Variants in TMC7 observed in about 807,000 individuals in gnomAD.
TMC7 encodes transmembrane channel like 7, also known as transmembrane channel-like protein 7.
Under a neutral mutation model 82.9 loss-of-function variants are expected in TMC7, and 54 were observed. That is an observed-to-expected ratio of 0.65 (90% CI 0.52 to 0.82). The LOEUF is 0.82. Ranked by LOEUF, TMC7 falls within the 40% of genes least tolerant of loss-of-function variation. The pLI, the probability that TMC7 is intolerant of heterozygous loss-of-function variation, is 0.00. For missense variants in TMC7, 820 were observed against 901.2 expected, an observed-to-expected ratio of 0.91 and a Z score of 1.15; for synonymous variants, 350 against 337.9, an observed-to-expected ratio of 1.04 and a Z score of -0.39.
At chr16:19,056,831 A>C in intron 14 of TMC7, 134 bp downstream of exon 14, 7 of 1,055,514 alleles carry the variant, frequency 6.6e-6, no homozygotes, top group Non-Finnish European at 6.8e-6. Context: ...CATCTCTAAA[A>C]TGGGCATAAT....
chr16:19,000,143 G>A (rs1420404586), intron 1 of TMC7, among the ~76,000 whole-genome samples: 1 of 151,740 alleles, frequency 6.6e-6, no homozygotes, highest in African/African-American at 2.4e-5. Context: ...AGATTATCTG[G>A]ACACCCTCCC....
Position 19,047,113 on chromosome 16 carries a change from A to G in TMC7, c.1604A>G (p.Gln535Arg), listed in dbSNP as rs1454525919. Residue 535 changes from glutamine to arginine, a missense_variant, in exon 12 of 16, where the codon CAG (glutamine) becomes CGG (arginine). Physicochemically the swap from Gln to Arg is conservative, Grantham distance 43 (BLOSUM62 1). Coordinates refer to ENST00000304381, the MANE Select transcript of TMC7 (RefSeq NM_024847.4). ...TGCAAGCTGATTCAGTGCTGGGGGCAGCAGGAGTTTGCCATTCCTGATAAC... is the reference window on the plus strand; with the variant it reads ...TGCAAGCTGATTCAGTGCTGGGGGCGGCAGGAGTTTGCCATTCCTGATAAC... ...SSCKLIQCWG[Q>R]QEFAIPDNVL... is the part of the protein sequence containing the mutation. 3 of 1,614,024 alleles carry G rather than the reference A, an allele frequency of 1.9e-6. No homozygotes were observed. Among genetic ancestry groups the G allele is most frequent in the Non-Finnish European group, 1.7e-6 (2 of 1,179,992 alleles).
At chr16:18,988,602 T>C (rs2038895711) in intron 1 of TMC7, among the ~76,000 whole-genome samples, 1 of 152,158 alleles carries the variant, frequency 6.6e-6, no homozygotes, top group African/African-American at 2.4e-5. Context: ...AATTTTTGTA[T>C]ATTTTGTAGA....
At chr16:19,037,794 G>A in intron 7 of TMC7, 80 bp from the exon 8 acceptor site, 1 of 1,442,338 alleles carries the variant, frequency 6.9e-7, no homozygotes, top group Non-Finnish European at 9.5e-7. Flanking sequence ...AGATGGATGG[G>A]GAGAGAATGA....
At chr16:19,006,179 T>G (rs1054569258) in intron 1 of TMC7, among the ~76,000 whole-genome samples, 29 of 151,804 alleles carry the variant, frequency 1.9e-4, no homozygotes, top group Non-Finnish European at 3.7e-4. Context: ...ACCCCAGCCT[T>G]GCCCTTGCAG....
intron 1 of TMC7, among the ~76,000 whole-genome samples, chr16:19,005,240 C>T (rs2039218438): frequency 6.6e-6 from 1 of 152,102 alleles, no homozygotes; most frequent in South Asian, 2.1e-4. Flanking sequence ...CAGGCACCCG[C>T]CACCATGCCC....
At chr16:19,036,067 C>T (rs1299080262) in intron 7 of TMC7, among the ~76,000 whole-genome samples, 1 of 152,022 alleles carries the variant, frequency 6.6e-6, no homozygotes, top group Non-Finnish European at 1.5e-5. Context: ...GATGCAGTGG[C>T]TGGAAGAAGG....
chr16:19,030,578 CTTT>C (rs572433772), intron 6 of TMC7, among the ~76,000 whole-genome samples: 6 of 135,370 alleles, frequency 4.4e-5, no homozygotes, highest in African/African-American at 5.4e-5. Flanking sequence ...TGAGGTTCTT[CTTT>C]TTTTTTTTTT....
chr16:18,997,496 A>G (rs1014149218), intron 1 of TMC7, among the ~76,000 whole-genome samples: 3 of 151,760 alleles, frequency 2.0e-5, no homozygotes, highest in South Asian at 2.1e-4. Flanking sequence ...TAGCCCCCCA[A>G]GTAGCTGGGA....
chr16:19,021,986 C>A (rs1960001296), intron 4 of TMC7, among the ~76,000 whole-genome samples, 190 bp downstream of exon 4: 1 of 152,118 alleles, frequency 6.6e-6, no homozygotes, highest in Admixed American at 6.6e-5. Context: ...AGCATGCAGG[C>A]ACGACAGCAT....
intron 8 of TMC7, 96 bp downstream of exon 8, chr16:19,038,143 A>G (rs1170459259): frequency 1.6e-6 from 2 of 1,272,832 alleles, no homozygotes; most frequent in Non-Finnish European, 2.2e-6. Flanking sequence ...ATATGGAGAT[A>G]CAAGTTTGGC....
rs1448386361 is a variant in TMC7 at position 19,063,598 on chromosome 16, A to G, written c.*1755A>G. ...GAAAAAAAAAGTTGTAATTGTAAACATTTCTGCCCAGTGCCTTTATATTTA... is the reference window on the plus strand; with the variant it reads ...GAAAAAAAAAGTTGTAATTGTAAACGTTTCTGCCCAGTGCCTTTATATTTA... On this transcript the variant is annotated 3_prime_UTR_variant, in exon 16 of 16. Transcript: ENST00000304381. The G allele has an allele frequency of 1.3e-5, 2 of 151,950 alleles. No homozygotes were observed. Among genetic ancestry groups the G allele is most frequent in the Admixed American group, 1.3e-4 (2 of 15,214 alleles). The allele number at this position is 151,950 out of a possible 1,614,324, so 9.4% of individuals were successfully genotyped here. A position where few individuals can be genotyped will look rare whatever the true frequency, so the allele number is the denominator to read the frequency against.
At chr16:19,026,432 A>C (rs1221858584) in intron 5 of TMC7, among the ~76,000 whole-genome samples, 2 of 151,326 alleles carry the variant, frequency 1.3e-5, no homozygotes, top group African/African-American at 4.9e-5. Flanking sequence ...AGCCGAGATC[A>C]TGCCACTGCA....
At chr16:19,021,268 T>G (rs181250169) in intron 3 of TMC7, among the ~76,000 whole-genome samples, 76 of 152,296 alleles carry the variant, frequency 5.0e-4, no homozygotes, top group Admixed American at 2.4e-3. Context: ...TGTAGACCCA[T>G]GGAACAGGAT....
rs374105814 is a variant in TMC7 at position 19,023,210 on chromosome 16, T to C, written c.711+15T>C. 1,071 of 1,528,630 alleles carry C rather than the reference T, an allele frequency of 7.0e-4. 2 individuals are homozygous for C. Among genetic ancestry groups the C allele is most frequent in the Non-Finnish European group, 9.1e-4 (1,015 of 1,110,794 alleles). The allele number at this position is 1,528,630 out of a possible 1,614,324, so 94.7% of individuals were successfully genotyped here. A position where few individuals can be genotyped will look rare whatever the true frequency, so the allele number is the denominator to read the frequency against. ...TTTCTGGCACTGTAAGTATTTAACA[T>C]AATCCTTTGTTTAGCTCCTCAATCT... On this transcript the variant is annotated intron_variant, in intron 5 of 15. Transcript: ENST00000304381.
At chr16:18,984,318 C>T (rs2038804856) in intron 1 of TMC7, 188 bp downstream of exon 1, 2 of 1,310,226 alleles carry the variant, frequency 1.5e-6, no homozygotes, top group Admixed American at 8.4e-5. Flanking sequence ...ACAAACGCGT[C>T]CTCATCCAAT....
intron 2 of TMC7, 139 bp downstream of exon 2, chr16:19,009,554 C>A: frequency 9.0e-7 from 1 of 1,116,656 alleles, no homozygotes. Context: ...CTTTGACAAA[C>A]ATACCTGAAT....
chr16:19,056,642 T>C lies in TMC7; in HGVS notation c.1972T>C (p.Phe658Leu), dbSNP rs888182935. ...VSTFPSSLQS[F>L]IHGVTSEAFA... ...CACCTTCCCCAGCTCGCTGCAGTCC[T>C]TCATCCATGGTGTCACATCCGAAGC... is the stretch of plus-strand genomic sequence containing the variant. The change falls in exon 14 of 16, where the codon TTC (phenylalanine) becomes CTC (leucine). Residue 658 changes from phenylalanine to leucine, a missense_variant. Coordinates refer to ENST00000304381, the MANE Select transcript of TMC7 (RefSeq NM_024847.4). The C allele has an allele frequency of 7.4e-6, 12 of 1,614,002 alleles. No homozygotes were observed. Among genetic ancestry groups the C allele is most frequent in the Non-Finnish European group, 1.0e-5 (12 of 1,180,028 alleles).
chr16:18,992,977 A>C (rs192617295), intron 1 of TMC7, among the ~76,000 whole-genome samples: 287 of 152,282 alleles, frequency 1.9e-3, no homozygotes, highest in African/African-American at 6.5e-3. Context: ...TGGTACCAGT[A>C]CCATGCTGTT....
Sources: gnomAD v4.1 joint callset for allele counts (sites outside exome capture counted in the v4.1 genomes callset) on GRCh38, gnomAD v4.1.1 for gene constraint, MANE v1.5 for transcripts, NCBI Gene and HGNC (gene_info 2026-07-23, HGNC 2026-07-21) for gene names.